The following UNC13C variants were observed in gnomAD, a reference collection of about 807,000 sequenced individuals.
The protein encoded by UNC13C is unc-13 homolog C.
A neutral mutation model predicts 245.4 loss-of-function variants in UNC13C; 174 were observed. The observed-to-expected ratio is 0.71, with a 90% CI of 0.63 to 0.80. The LOEUF (loss-of-function observed/expected upper bound fraction) is 0.80, where lower values mean the gene tolerates loss of function less well. UNC13C is among the 30% of genes least tolerant of loss of function. UNC13C has a pLI of 0.00. For missense variants in UNC13C, 2,829 were observed against 2,602.9 expected, an observed-to-expected ratio of 1.09 and a Z score of -1.89; for synonymous variants, 992 against 895.1, an observed-to-expected ratio of 1.11 and a Z score of -1.93.
chr15:53,949,811 T>A, the UNC13C span, among the ~76,000 whole-genome samples: 1 of 152,198 alleles, frequency 6.6e-6, no homozygotes, highest in Non-Finnish European at 1.5e-5. Context: ...GTCCTCAAGA[T>A]TCTTATGTAT....
chr15:54,275,484 A>G (rs2036808569), intron 10 of UNC13C, among the ~76,000 whole-genome samples: 3 of 152,160 alleles, frequency 2.0e-5, no homozygotes, highest in Non-Finnish European at 4.4e-5. Flanking sequence ...TGTATATGAT[A>G]TAGTTTGTTG....
chr15:54,532,866 C>A (rs1374284432), intron 25 of UNC13C, 51 bp from the exon 26 acceptor site: 2 of 1,266,812 alleles, frequency 1.6e-6, no homozygotes, highest in African/African-American at 3.0e-5. Context: ...TTGGAACAGG[C>A]TCAGGCAAAA....
Position 54,343,607 on chromosome 15 carries a change from G to T in UNC13C, c.4713+5118G>T, listed in dbSNP as rs142116993. Among the ~76,000 whole-genome samples, 318 of 152,238 alleles carry T rather than the reference G, an allele frequency of 2.1e-3. 1 individual carries two copies. The highest frequency in any genetic ancestry group is 3.9e-3 in the Admixed American group (60 of 15,294). ...ATGCATCCTGTTCTATATGCCTGAA[G>T]AAATTCTCCCTCCTTCCCTGCTTTC... On this transcript the variant is annotated intron_variant, in intron 17 of 32. Coordinates refer to ENST00000260323, the MANE Select transcript of UNC13C (RefSeq NM_001080534.3).
the UNC13C span, among the ~76,000 whole-genome samples, chr15:53,906,201 G>A: frequency 6.6e-6 from 1 of 152,040 alleles, no homozygotes; most frequent in African/African-American, 2.4e-5. Flanking sequence ...TGGTGCATGC[G>A]TGTAGTCCCA....
chr15:53,959,152 T>C, the UNC13C span, among the ~76,000 whole-genome samples: 1 of 152,214 alleles, frequency 6.6e-6, no homozygotes, highest in South Asian at 2.1e-4. Context: ...CTGAATAATT[T>C]ACTGTGTATA....
the UNC13C span, among the ~76,000 whole-genome samples, chr15:53,850,881 T>A: frequency 1.3e-5 from 2 of 151,956 alleles, no homozygotes; most frequent in Non-Finnish European, 2.9e-5. Context: ...CTTTTTTTTT[T>A]TCCTTTTCTA....
At chr15:54,345,738 C>T (rs1424571530) in intron 17 of UNC13C, among the ~76,000 whole-genome samples, 2 of 152,144 alleles carry the variant, frequency 1.3e-5, no homozygotes, top group Admixed American at 1.3e-4. Context: ...CGTGACTATC[C>T]TATTTATAAC....
chr15:54,242,303 C>A (rs1402364985), intron 7 of UNC13C, among the ~76,000 whole-genome samples: 3 of 152,106 alleles, frequency 2.0e-5, no homozygotes, highest in African/African-American at 7.2e-5. Flanking sequence ...AATTTTTTGA[C>A]TGTTGAATCA....
chr15:53,954,145 C>A, the UNC13C span, among the ~76,000 whole-genome samples: 1 of 152,168 alleles, frequency 6.6e-6, no homozygotes, highest in Non-Finnish European at 1.5e-5. Flanking sequence ...ACTAGGTGCC[C>A]AATTTTACAT....
intron 13 of UNC13C, chr15:54,320,717 G>T: frequency 2.7e-6 from 1 of 372,364 alleles, no homozygotes; most frequent in Admixed American, 2.9e-5. Flanking sequence ...TTGTTTCCTG[G>T]CAGTAATTAA....
intron 2 of UNC13C, among the ~76,000 whole-genome samples, chr15:54,136,274 G>A (rs572774478): frequency 1.3e-5 from 2 of 152,112 alleles, no homozygotes; most frequent in African/African-American, 4.8e-5. Context: ...AGTAGCTGGG[G>A]CTATAGGCAT....
chr15:54,572,355 T>G (rs1897792541), intron 30 of UNC13C, among the ~76,000 whole-genome samples: 1 of 152,114 alleles, frequency 6.6e-6, no homozygotes, highest in South Asian at 2.1e-4. Flanking sequence ...TTTGTATTTT[T>G]TTCCAAATAA....
chr15:54,633,356 A>G (rs1901492270), downstream of UNC13C: 1 of 152,166 alleles, frequency 6.6e-6, no homozygotes, highest in South Asian at 2.1e-4. Context: ...CCTACCAAGG[A>G]TTTCTTCTGT....
intron 19 of UNC13C, among the ~76,000 whole-genome samples, chr15:54,428,016 A>T (rs905464932): frequency 2.0e-4 from 30 of 151,812 alleles, no homozygotes; most frequent in African/African-American, 6.3e-4. Context: ...TTCTTCTTTG[A>T]ACACAGCCTG....
chr15:54,516,601 G>C (rs538591948), intron 24 of UNC13C, among the ~76,000 whole-genome samples: 1 of 152,064 alleles, frequency 6.6e-6, no homozygotes, highest in Admixed American at 6.6e-5. Context: ...TCAAGAGTTC[G>C]AGATCAGCCT....
intron 20 of UNC13C, among the ~76,000 whole-genome samples, chr15:54,498,929 A>C (rs58895605): frequency 0.03 from 4,541 of 152,272 alleles, 179 homozygotes; most frequent in Admixed American, 0.12. Flanking sequence ...TAAAAATACA[A>C]AGGCAATCTA....
At chr15:54,374,942 A>G (rs189899402) in intron 17 of UNC13C, among the ~76,000 whole-genome samples, 5 of 152,264 alleles carry the variant, frequency 3.3e-5, no homozygotes, top group Non-Finnish European at 5.9e-5. Context: ...GTACTGCTCT[A>G]TAAGAATTTA....
intron 30 of UNC13C, among the ~76,000 whole-genome samples, chr15:54,581,355 G>A (rs1898192469): frequency 6.6e-6 from 1 of 152,214 alleles, no homozygotes; most frequent in African/African-American, 2.4e-5. Flanking sequence ...ACCTGCTCAG[G>A]CTGTCATAAC....
At position 54,511,733 on chromosome 15, in the gene UNC13C, C is replaced by T; in HGVS notation, c.5380-20C>T. Reference sequence around the variant, plus strand: ...ATATAAAAAGATTGCTCATAATAGTCTTTTTTTCTATATTTAAAGCCCTGT... The same window carrying T: ...ATATAAAAAGATTGCTCATAATAGTTTTTTTTTCTATATTTAAAGCCCTGT... On this transcript the variant is annotated intron_variant, in intron 23 of 32. Transcript: ENST00000260323. The T allele has an allele frequency of 1.3e-6, 2 of 1,554,608 alleles. No individual in the cohort carries two copies. The highest frequency in any genetic ancestry group is 8.7e-7 in the Non-Finnish European group (1 of 1,143,090).
Sources: gnomAD v4.1 joint callset for allele counts (sites outside exome capture counted in the v4.1 genomes callset) on GRCh38, gnomAD v4.1.1 for gene constraint, MANE v1.5 for transcripts, NCBI Gene and HGNC (gene_info 2026-07-23, HGNC 2026-07-21) for gene names.